The following KRT8 variants were observed in gnomAD, a reference collection of about 807,000 sequenced individuals.
KRT8 encodes the protein keratin 8.
In KRT8, 24 loss-of-function variants were observed where a neutral mutation model predicts 43.0. The observed-to-expected ratio is 0.56, with a 90% CI of 0.40 to 0.78. KRT8 has a LOEUF of 0.78. Ranked by LOEUF, KRT8 falls within the 30% of genes least tolerant of loss-of-function variation. KRT8 has a pLI of 0.00. For synonymous variants in KRT8, 214 were observed against 261.2 expected (o/e 0.82, Z 1.74); for missense variants, 492 against 638.4 (o/e 0.77, Z 2.47).
chr12:52,949,343 G>A, intron 2 of KRT8: 1 of 1,601,498 alleles, frequency 6.2e-7, no homozygotes, highest in Non-Finnish European at 8.5e-7. Context: ...TTCAGGGGCG[G>A]CATGGGGTCC....
At chr12:52,947,326 G>C (rs1448424517) in intron 2 of KRT8, 1 of 152,246 alleles carries the variant, frequency 6.6e-6, no homozygotes, top group Non-Finnish European at 1.5e-5. Flanking sequence ...CCCTTACAAG[G>C]GGGGACAGGG....
intron 2 of KRT8, among the ~76,000 whole-genome samples, chr12:52,943,660 C>A (rs1463202864): frequency 2.6e-5 from 4 of 152,188 alleles, no homozygotes; most frequent in Non-Finnish European, 4.4e-5. Flanking sequence ...GCACACCCTG[C>A]CAGGAAACAA....
At chr12:52,918,205 C>CAAG (rs371624304) in intron 2 of KRT8, among the ~76,000 whole-genome samples, 4,636 of 116,502 alleles carry the variant, frequency 0.04, 215 homozygotes, top group Non-Finnish European at 0.056. Flanking sequence ...AGAAGAAGAA[C>CAAG]AAGAAGAAGA....
chr12:52,922,110 T>A (rs568008034), intron 2 of KRT8, among the ~76,000 whole-genome samples: 5 of 140,738 alleles, frequency 3.6e-5, no homozygotes, highest in African/African-American at 1.3e-4. Context: ...AGCCCAAGAG[T>A]TTGAGGCTGT....
chr12:52,908,290 A>G (rs2120601230), upstream of KRT8, among the ~76,000 whole-genome samples: 1 of 152,232 alleles, frequency 6.6e-6, no homozygotes, highest in Non-Finnish European at 1.5e-5. Context: ...CAGTGGCGCA[A>G]TCTCGGCTCA....
exon 6 of KRT8, chr12:52,898,708 G>A (rs747130243): frequency 1.2e-6 from 2 of 1,614,218 alleles, no homozygotes; most frequent in Non-Finnish European, 1.7e-6. Context: ...GCAGCTTCCT[G>A]TAGGTGGCGA....
chr12:52,898,390 C>T, intron 7 of KRT8, 71 bp downstream of exon 7: 1 of 1,329,468 alleles, frequency 7.5e-7, no homozygotes. Context: ...CTGAGCACAG[C>T]CCCCTCCCTG....
chr12:52,935,123 G>A (rs568777474), intron 2 of KRT8, among the ~76,000 whole-genome samples: 4 of 151,168 alleles, frequency 2.6e-5, no homozygotes, highest in Admixed American at 2.0e-4. Context: ...GCTCATGCCC[G>A]TAATCCCAGC....
At chr12:52,905,886 G>A (rs141200997), upstream of KRT8, among the ~76,000 whole-genome samples, 1,350 of 152,224 alleles carry the variant, frequency 8.9e-3, 12 homozygotes, top group African/African-American at 0.031. Context: ...GAGGTCAGGA[G>A]TTCAAGACAA....
chr12:52,921,352 C>T (rs1941882631), intron 2 of KRT8, among the ~76,000 whole-genome samples: 1 of 152,180 alleles, frequency 6.6e-6, no homozygotes, highest in Admixed American at 6.5e-5. Flanking sequence ...GGGAAAGCCT[C>T]TCTGAGGGAG....
exon 1 of KRT8, chr12:52,905,041 A>C: frequency 6.4e-7 from 1 of 1,555,986 alleles, no homozygotes. Flanking sequence ...GAAGGAGCGG[A>C]GAAGCTGCTT....
chr12:52,931,506 T>C (rs1475517542), intron 2 of KRT8, among the ~76,000 whole-genome samples: 3 of 152,156 alleles, frequency 2.0e-5, no homozygotes, highest in African/African-American at 7.2e-5. Flanking sequence ...ATTCATGACA[T>C]GTTCCCAATC....
In KRT8 at chr12:52,897,992, C is replaced by T. The variant is rs1010719027; in HGVS notation, c.1262-374G>A. On this transcript the variant is annotated intron_variant, in intron 7 of 7. Coordinates refer to ENST00000692008, the Ensembl canonical transcript of KRT8. ...CAGCCTGCCCAACACAGTGAAACCC[C>T]GTCTCTACTAAAAATACAAAAATTA... Among the ~76,000 whole-genome samples the T allele has an allele frequency of 1.3e-4, 20 of 152,060 alleles. 1 individual carries two copies. The highest frequency in any genetic ancestry group is 5.9e-5 in the Non-Finnish European group (4 of 68,010).
chr12:52,921,616 C>T (rs985637371), intron 2 of KRT8, among the ~76,000 whole-genome samples: 4 of 152,030 alleles, frequency 2.6e-5, no homozygotes, highest in Non-Finnish European at 4.4e-5. Flanking sequence ...CCTGGCTCTA[C>T]CCCCAAGGAC....
intron 2 of KRT8, among the ~76,000 whole-genome samples, chr12:52,942,427 A>C (rs764428834): frequency 6.6e-6 from 1 of 152,016 alleles, no homozygotes; most frequent in Non-Finnish European, 1.5e-5. Context: ...AAGATTCTTA[A>C]CCCCATGATT....
At chr12:52,945,021 A>C (rs1036980417) in intron 2 of KRT8, among the ~76,000 whole-genome samples, 7 of 151,918 alleles carry the variant, frequency 4.6e-5, no homozygotes, top group African/African-American at 9.7e-5. Context: ...GATGACCCCC[A>C]CTGACCTCTC....
upstream of KRT8, among the ~76,000 whole-genome samples, chr12:52,908,105 G>A (rs1403799695): frequency 2.0e-5 from 3 of 152,246 alleles, no homozygotes; most frequent in Non-Finnish European, 2.9e-5. Context: ...TTCTGATGGT[G>A]CAGGATAATT....
chr12:52,904,659 T>C, exon 1 of KRT8: 2 of 1,612,420 alleles, frequency 1.2e-6, no homozygotes, highest in Non-Finnish European at 1.7e-6. Flanking sequence ...GACCCTCACC[T>C]TGTCTATGAA....
intron 2 of KRT8, among the ~76,000 whole-genome samples, chr12:52,917,713 A>AAAAAG (rs1941770545): frequency 2.0e-5 from 2 of 102,040 alleles, no homozygotes; most frequent in Non-Finnish European, 3.6e-5. Context: ...TGTCTCAAAA[A>AAAAAG]AAAAAAAAAA....
Sources: allele counts gnomAD v4.1 joint callset (sites outside exome capture counted in the v4.1 genomes callset), GRCh38; gene constraint gnomAD v4.1.1; transcripts MANE v1.5; gene names NCBI Gene and HGNC (gene_info 2026-07-23, HGNC 2026-07-21).